The following IMMP2L variants were observed in gnomAD, a reference collection of about 807,000 sequenced individuals.
IMMP2L encodes mitochondrial inner membrane protease subunit 2.
A neutral mutation model predicts 19.3 loss-of-function variants in IMMP2L; 18 were observed. The observed-to-expected ratio is 0.93, with a 90% CI of 0.64 to 1.38. The LOEUF is 1.38. IMMP2L is among the 40% of genes most tolerant of loss of function. The probability of loss-of-function intolerance (pLI) is 0.00; values close to 1 mark genes in which losing one functional copy is unlikely to be tolerated. For synonymous variants in IMMP2L, 76 were observed against 73.0 expected (o/e 1.04, Z -0.21); for missense variants, 233 against 218.2 (o/e 1.07, Z -0.43).
At chr7:111,112,753 A>C (rs1036545584) in intron 3 of IMMP2L, among the ~76,000 whole-genome samples, 2 of 152,202 alleles carry the variant, frequency 1.3e-5, no homozygotes, top group Non-Finnish European at 2.9e-5. Context: ...ATTATAGGGA[A>C]CTAAAAATAC....
intron 4 of IMMP2L, among the ~76,000 whole-genome samples, chr7:110,933,964 C>G (rs1585325826): frequency 6.6e-6 from 1 of 152,240 alleles, no homozygotes; most frequent in East Asian, 1.9e-4. Context: ...CCTGCTTTCT[C>G]CTGTGGGCAT....
Position 111,264,897 on chromosome 7 carries a change from C to T in IMMP2L, c.239+222341G>A, listed in dbSNP as rs544132184. On this transcript the variant is annotated intron_variant, in intron 3 of 5. Coordinates refer to ENST00000405709, the MANE Select transcript of IMMP2L (RefSeq NM_032549.4). ...TAGGGCAGGAACCAATGGGAAAGGA[C>T]GCTGATATACTGAATTCCCCCTATT... Among the ~76,000 whole-genome samples the T allele has an allele frequency of 7.9e-5, 12 of 152,194 alleles. No individual in the cohort carries two copies. The East Asian group carries it at 1.7e-3, about 22-fold the overall frequency.
At chr7:111,299,476 T>C (rs983373625) in intron 3 of IMMP2L, among the ~76,000 whole-genome samples, 1 of 151,594 alleles carries the variant, frequency 6.6e-6, no homozygotes, top group Non-Finnish European at 1.5e-5. Flanking sequence ...CAGTGGCCAT[T>C]AGAAAAATCA....
intron 5 of IMMP2L, among the ~76,000 whole-genome samples, chr7:110,680,974 C>A (rs904089195): frequency 6.6e-6 from 1 of 151,896 alleles, no homozygotes; most frequent in African/African-American, 2.4e-5. Context: ...AATTCCCAAG[C>A]CTAGTTTTCG....
intron 3 of IMMP2L, among the ~76,000 whole-genome samples, chr7:111,465,118 T>C (rs1448847873): frequency 1.3e-5 from 2 of 152,156 alleles, no homozygotes; most frequent in African/African-American, 4.8e-5. Flanking sequence ...CTTTAAATTT[T>C]CCTATGTAAA....
At chr7:111,289,379 T>C (rs1010639226) in intron 3 of IMMP2L, among the ~76,000 whole-genome samples, 1 of 151,244 alleles carries the variant, frequency 6.6e-6, no homozygotes. Context: ...GTAACAAACC[T>C]GCACATTCTG....
At chr7:111,543,273 T>C (rs1051371247) in intron 1 of IMMP2L, among the ~76,000 whole-genome samples, 6 of 152,164 alleles carry the variant, frequency 3.9e-5, no homozygotes, top group Non-Finnish European at 5.9e-5. Context: ...TCATTATCTA[T>C]CTATTAAAAC....
intron 3 of IMMP2L, among the ~76,000 whole-genome samples, chr7:111,461,591 C>T (rs1254455845): frequency 6.6e-6 from 1 of 151,978 alleles, no homozygotes; most frequent in Non-Finnish European, 1.5e-5. Flanking sequence ...TGTACATTGA[C>T]TTTGGCATGT....
At chr7:110,946,785 A>G (rs1817298374) in intron 4 of IMMP2L, among the ~76,000 whole-genome samples, 1 of 141,714 alleles carries the variant, frequency 7.1e-6, no homozygotes, top group Non-Finnish European at 1.5e-5. Flanking sequence ...CAGTGGCGCA[A>G]TCTCGACTCA....
At chr7:111,304,475 A>C (rs543143496) in intron 3 of IMMP2L, among the ~76,000 whole-genome samples, 2 of 152,138 alleles carry the variant, frequency 1.3e-5, no homozygotes, top group African/African-American at 4.8e-5. Flanking sequence ...AGCCATTTGT[A>C]GAATATTGTG....
chr7:111,414,830 A>G (rs1415692658), intron 3 of IMMP2L, among the ~76,000 whole-genome samples: 1 of 151,848 alleles, frequency 6.6e-6, no homozygotes, highest in Admixed American at 6.5e-5. Context: ...TAATTTTTAA[A>G]AAAACACATT....
chr7:111,394,014 G>A (rs1229429690), intron 3 of IMMP2L, among the ~76,000 whole-genome samples: 4 of 152,030 alleles, frequency 2.6e-5, no homozygotes, highest in African/African-American at 4.8e-5. Flanking sequence ...ATAGGAAACA[G>A]TTGTTCATCA....
At chr7:111,071,502 T>C (rs1209621453) in intron 3 of IMMP2L, among the ~76,000 whole-genome samples, 1 of 152,060 alleles carries the variant, frequency 6.6e-6, no homozygotes, top group Non-Finnish European at 1.5e-5. Flanking sequence ...TATCTGTCGA[T>C]GGATAAATGG....
chr7:110,775,319 T>C (rs1799313128), intron 5 of IMMP2L, among the ~76,000 whole-genome samples: 1 of 151,558 alleles, frequency 6.6e-6, no homozygotes, highest in Admixed American at 6.6e-5. Context: ...TAGCTTAAAG[T>C]GTGTACATTT....
chr7:111,281,026 C>T lies in IMMP2L; in HGVS notation c.239+206212G>A, dbSNP rs531455604. Among the ~76,000 whole-genome samples, 7 of 150,076 alleles carry T rather than the reference C, an allele frequency of 4.7e-5. No individual in the cohort carries two copies. The East Asian group carries it at 5.9e-4, about 13-fold the overall frequency. On this transcript the variant is annotated intron_variant, in intron 3 of 5. Coordinates refer to ENST00000405709, the MANE Select transcript of IMMP2L (RefSeq NM_032549.4). ...CAGAGCTTGCTGTGAGTGGAGATCA[C>T]GCCACTGCACTCCAGCCTGGGCAAC...
At chr7:111,325,713 AT>A (rs1416608314) in intron 3 of IMMP2L, among the ~76,000 whole-genome samples, 2 of 151,730 alleles carry the variant, frequency 1.3e-5, no homozygotes, top group Non-Finnish European at 3.0e-5. Context: ...TTAATATATC[AT>A]CTAAATACCT....
chr7:111,486,461 CACTGCTACCTT>C (rs1842662488), intron 3 of IMMP2L, among the ~76,000 whole-genome samples: 1 of 152,120 alleles, frequency 6.6e-6, no homozygotes, highest in Admixed American at 6.5e-5. Flanking sequence ...ATGGCAGTAA[CACTGCTACCTT>C]AATTGCTACC....
At position 111,158,080 on chromosome 7, in the gene IMMP2L, T is replaced by G. The variant is rs184251869; in HGVS notation, c.240-194515A>C. Among the ~76,000 whole-genome samples, 849 of 152,054 alleles carry G rather than the reference T, an allele frequency of 5.6e-3. 9 individuals are homozygous for G. Among genetic ancestry groups the G allele is most frequent in the African/African-American group, 0.019 (800 of 41,520 alleles). On this transcript the variant is annotated intron_variant, in intron 3 of 5. Transcript: ENST00000405709. ...GAATTTTTATTACAGTTTCCTAGCT[T>G]GTGAGCTAGAAACTCTCATCCCATA...
At position 111,436,965 on chromosome 7, in the gene IMMP2L, C is replaced by T. The variant is rs369373837; in HGVS notation, c.239+50273G>A. 2.2e-4 allele frequency among the ~76,000 whole-genome samples: 34 copies of T among 151,866 alleles called. 1 individual carries two copies. Among genetic ancestry groups the T allele is most frequent in the East Asian group, 1.7e-3 (9 of 5,172 alleles). On this transcript the variant is annotated intron_variant, in intron 3 of 5. Transcript: ENST00000405709. Reference sequence around the variant, plus strand: ...TTTGCATGAACTTAGAGCAAGAACTCACTCATTATCATGAGGAACGCAATA... The same window carrying T: ...TTTGCATGAACTTAGAGCAAGAACTTACTCATTATCATGAGGAACGCAATA...
Sources: allele counts gnomAD v4.1 joint callset (sites outside exome capture counted in the v4.1 genomes callset), GRCh38; gene constraint gnomAD v4.1.1; transcripts MANE v1.5; gene names NCBI Gene and HGNC (gene_info 2026-07-23, HGNC 2026-07-21).